GRID2: variants seen among roughly 807,000 people sequenced by gnomAD.
The protein encoded by GRID2 is glutamate receptor ionotropic, delta-2.
A neutral mutation model predicts 114.8 loss-of-function variants in GRID2; 33 were observed. That is an observed-to-expected ratio of 0.29 (90% CI 0.22 to 0.38). The LOEUF is 0.38. Among genes scored for constraint, GRID2 ranks in the 10% least tolerant of loss-of-function variants. GRID2 has a pLI of 1.00. For synonymous variants in GRID2, 505 were observed against 449.9 expected (o/e 1.12, Z -1.55); for missense variants, 1,184 against 1,257.7 (o/e 0.94, Z 0.89).
At chr4:92,842,558 C>T (rs546807140) in intron 2 of GRID2, among the ~76,000 whole-genome samples, 19 of 152,204 alleles carry the variant, frequency 1.2e-4, no homozygotes, top group Non-Finnish European at 1.2e-4. Context: ...TCGTTCACAA[C>T]AACCACTCAG....
intron 2 of GRID2, among the ~76,000 whole-genome samples, chr4:92,731,299 T>A (rs1253534105): frequency 1.3e-5 from 2 of 151,812 alleles, no homozygotes; most frequent in Non-Finnish European, 2.9e-5. Flanking sequence ...GAAAACCTAC[T>A]GTCGGGTAAT....
intron 1 of GRID2, among the ~76,000 whole-genome samples, chr4:92,460,665 T>C (rs1721451063): frequency 1.3e-5 from 2 of 152,182 alleles, no homozygotes. Flanking sequence ...GGCATTAGGT[T>C]GTAGATTTGT....
intron 2 of GRID2, among the ~76,000 whole-genome samples, chr4:92,735,467 A>G (rs1030867015): frequency 6.6e-6 from 1 of 152,146 alleles, no homozygotes; most frequent in African/African-American, 2.4e-5. Flanking sequence ...TTTTGGAACC[A>G]TGGTTGACAG....
At chr4:92,754,905 A>G (rs1302754544) in intron 2 of GRID2, among the ~76,000 whole-genome samples, 1 of 152,152 alleles carries the variant, frequency 6.6e-6, no homozygotes, top group Admixed American at 6.5e-5. Context: ...TCTATTGTAA[A>G]CCAAATAACA....
intron 13 of GRID2, among the ~76,000 whole-genome samples, chr4:93,612,075 T>G (rs950349469): frequency 1.2e-4 from 19 of 152,180 alleles, no homozygotes; most frequent in Admixed American, 8.5e-4. Flanking sequence ...TGTAATGGCC[T>G]TGTCTCTTCT....
At chr4:92,962,227 C>T (rs909444832) in intron 2 of GRID2, among the ~76,000 whole-genome samples, 2 of 151,574 alleles carry the variant, frequency 1.3e-5, no homozygotes, top group African/African-American at 4.8e-5. Context: ...TTTAGTATGC[C>T]TTGTTTTTTT....
intron 10 of GRID2, among the ~76,000 whole-genome samples, chr4:93,427,991 T>C (rs1228312499): frequency 6.6e-6 from 1 of 152,008 alleles, no homozygotes; most frequent in African/African-American, 2.4e-5. Context: ...CAGAGAACTT[T>C]CAATAAGAAA....
intron 14 of GRID2, among the ~76,000 whole-genome samples, chr4:93,755,070 T>G (rs1732631323): frequency 6.6e-6 from 1 of 152,212 alleles, no homozygotes; most frequent in South Asian, 2.1e-4. Flanking sequence ...GTAGTTCTCA[T>G]GAACTTGCAC....
intron 2 of GRID2, among the ~76,000 whole-genome samples, chr4:92,965,450 TAAAAAAAAAAAAAAAAAAAAAAAAAA>T (rs869285420): frequency 1.3e-4 from 11 of 85,760 alleles, no homozygotes; most frequent in Admixed American, 9.6e-4. Context: ...ATTCAATTTG[TAAAAAAAAAAAAAAAAAAAAAAAAAA>T]AAAAAAAAAA....
rs183830350 is a variant in GRID2 at position 93,151,364 on chromosome 4, A to T, written c.735+40411A>T. Reference sequence around the variant, plus strand: ...TCTATCTGCCTCCCCATCCTTTTCCATCCCCTTAACCTCAGAATTGCACCT... The same window carrying T: ...TCTATCTGCCTCCCCATCCTTTTCCTTCCCCTTAACCTCAGAATTGCACCT... On this transcript the variant is annotated intron_variant, in intron 4 of 15. Coordinates refer to ENST00000282020, the MANE Select transcript of GRID2 (RefSeq NM_001510.4). 3.4e-3 allele frequency among the ~76,000 whole-genome samples: 514 copies of T among 152,072 alleles called. 5 individuals carry two copies. Among genetic ancestry groups the T allele is most frequent in the African/African-American group, 0.011 (469 of 41,496 alleles).
intron 2 of GRID2, among the ~76,000 whole-genome samples, chr4:92,743,627 A>T (rs1034077497): frequency 6.6e-6 from 1 of 152,202 alleles, no homozygotes; most frequent in South Asian, 2.1e-4. Context: ...GAAACTGCTC[A>T]TCAAATTATT....
At chr4:92,575,740 T>G (rs946031266) in intron 1 of GRID2, among the ~76,000 whole-genome samples, 1 of 152,178 alleles carries the variant, frequency 6.6e-6, no homozygotes, top group Non-Finnish European at 1.5e-5. Flanking sequence ...CTTGGGCAAC[T>G]CTTCAGCTCC....
rs199841995 is a variant in GRID2, at chr4:92,304,609, A to G, written c.-48A>G. On this transcript the variant is annotated 5_prime_UTR_variant, in exon 1 of 16. Transcript: ENST00000282020. The stretch of plus-strand genomic sequence containing the variant: ...AACTCTTTGGACTGTTTGAAAAAAA[A>G]AAAATTGGAAGAAAATCCATCCTCC... 1.2e-5 allele frequency: 17 copies of G among 1,396,350 alleles called. No homozygotes were observed. In the East Asian group the frequency reaches 2.5e-4, roughly 21 times the overall value. The allele number at this position is 1,396,350 out of a possible 1,614,324, so 86.5% of individuals were successfully genotyped here. A position where few individuals can be genotyped will look rare whatever the true frequency, so the allele number is the denominator to read the frequency against.
In GRID2 at chr4:93,678,536, G is replaced by A. The variant is rs191234907; in HGVS notation, c.2360+52101G>A. 6.8e-3 allele frequency among the ~76,000 whole-genome samples: 1,039 copies of A among 152,030 alleles called. 10 individuals carry two copies. Among genetic ancestry groups the A allele is most frequent in the South Asian group, 0.011 (51 of 4,806 alleles). ...TAAGGGCAGCCAGAGAGAAAGGTCC[G>A]GTTACCCACAAAGGGAAGCCCATCA... On this transcript the variant is annotated intron_variant, in intron 14 of 15. Transcript: ENST00000282020.
chr4:93,435,375 G>A (rs1288990986), intron 10 of GRID2, among the ~76,000 whole-genome samples: 1 of 152,008 alleles, frequency 6.6e-6, no homozygotes. Flanking sequence ...TATCTTTGTT[G>A]AAAGACTACA....
intron 8 of GRID2, among the ~76,000 whole-genome samples, chr4:93,339,951 C>T (rs1042252238): frequency 6.6e-6 from 1 of 152,082 alleles, no homozygotes; most frequent in African/African-American, 2.4e-5. Flanking sequence ...GGGAAACCGC[C>T]CCCATGATTC....
At chr4:92,391,318 G>T (rs1177539593) in intron 1 of GRID2, among the ~76,000 whole-genome samples, 1 of 151,982 alleles carries the variant, frequency 6.6e-6, no homozygotes, top group South Asian at 2.1e-4. Flanking sequence ...CAATTGATAC[G>T]ACTTCATGGT....
chr4:93,198,513 A>C (rs1741735514), intron 4 of GRID2, among the ~76,000 whole-genome samples: 1 of 152,144 alleles, frequency 6.6e-6, no homozygotes, highest in African/African-American at 2.4e-5. Flanking sequence ...GCTGAACCAG[A>C]GGGACTAAGG....
chr4:93,501,878 C>T (rs1484697354), intron 12 of GRID2, among the ~76,000 whole-genome samples: 1 of 152,064 alleles, frequency 6.6e-6, no homozygotes, highest in Non-Finnish European at 1.5e-5. Flanking sequence ...CCCAATCTTG[C>T]TCCTTTAAGC....
Sources: gnomAD v4.1 joint callset for allele counts (sites outside exome capture counted in the v4.1 genomes callset) on GRCh38, gnomAD v4.1.1 for gene constraint, MANE v1.5 for transcripts, NCBI Gene and HGNC (gene_info 2026-07-23, HGNC 2026-07-21) for gene names.